PAPPA2: variants seen among roughly 807,000 people sequenced by gnomAD.
PAPPA2 encodes the protein pappalysin-2.
Under a neutral mutation model 176.4 loss-of-function variants are expected in PAPPA2, and 86 were observed. That is an observed-to-expected ratio of 0.49 (90% CI 0.41 to 0.58). PAPPA2 has a LOEUF of 0.58. Ranked by LOEUF, PAPPA2 falls within the 20% of genes least tolerant of loss-of-function variation. The pLI is 0.00. For missense variants in PAPPA2, 2,073 were observed against 2,256.9 expected (o/e 0.92, Z 1.65); for synonymous variants, 809 against 852.2 (o/e 0.95, Z 0.88).
At position 176,711,850 on chromosome 1, in the gene PAPPA2, C is replaced by T; in HGVS notation, c.3667C>T (p.His1223Tyr). 19 of 1,608,862 alleles carry T rather than the reference C, an allele frequency of 1.2e-5. No individual in the cohort carries two copies. The highest frequency in any genetic ancestry group is 1.6e-5 in the Non-Finnish European group (19 of 1,175,556). The change falls in exon 12 of 23, where the codon CAT becomes TAT. Residue 1223 changes from histidine to tyrosine, a missense_variant. His to Tyr is a moderately conservative substitution (Grantham distance 83). Coordinates refer to ENST00000367662, the MANE Select transcript of PAPPA2 (RefSeq NM_020318.3). ...TGTATTTCAGATTTGCACATCATACCATCCAGATTTACCCAACCACCGTCC... is the reference window on the plus strand; with the variant it reads ...TGTATTTCAGATTTGCACATCATACTATCCAGATTTACCCAACCACCGTCC... ...EPHSLICTSY[H>Y]PDLPNHRPLT...
intron 15 of PAPPA2, among the ~76,000 whole-genome samples, chr1:176,768,060 G>A (rs1236622166): frequency 2.0e-5 from 3 of 152,180 alleles, no homozygotes; most frequent in Non-Finnish European, 4.4e-5. Context: ...TGGTGCCACT[G>A]TGATTTCCTG....
intron 17 of PAPPA2, among the ~76,000 whole-genome samples, chr1:176,789,013 A>G (rs1322474155): frequency 1.3e-5 from 2 of 152,200 alleles, no homozygotes; most frequent in African/African-American, 2.4e-5. Flanking sequence ...TGAATGTGTG[A>G]TAACCTTTTT....
intron 8 of PAPPA2, 85 bp downstream of exon 8, chr1:176,699,674 C>T (rs867001786): frequency 4.0e-6 from 6 of 1,503,738 alleles, no homozygotes; most frequent in South Asian, 1.3e-5. Context: ...AATATTCAGC[C>T]ATGCCCTTAG....
In PAPPA2 at chr1:176,823,227, A is replaced by T. The variant is rs116705092; in HGVS notation, c.5203-16946A>T. 6.5e-3 allele frequency among the ~76,000 whole-genome samples: 984 copies of T among 152,260 alleles called. 12 individuals carry two copies. Among genetic ancestry groups the T allele is most frequent in the African/African-American group, 0.022 (917 of 41,536 alleles). On this transcript the variant is annotated intron_variant, in intron 21 of 22. Transcript: ENST00000367662. Reference sequence around the variant, plus strand: ...TTGTTATGGTAACATTTTACTTCTGATACTACTGTCTGTATTAGTCAAGTG... The same window carrying T: ...TTGTTATGGTAACATTTTACTTCTGTTACTACTGTCTGTATTAGTCAAGTG...
intron 21 of PAPPA2, among the ~76,000 whole-genome samples, chr1:176,806,503 A>T (rs181431871): frequency 6.6e-6 from 1 of 152,316 alleles, no homozygotes; most frequent in East Asian, 1.9e-4. Flanking sequence ...AGTAGAAAAT[A>T]AAAACCCTGT....
intron 1 of PAPPA2, among the ~76,000 whole-genome samples, chr1:176,476,266 T>C (rs1364012215): frequency 6.6e-6 from 1 of 152,146 alleles, no homozygotes; most frequent in African/African-American, 2.4e-5. Context: ...AGCGTCTGGG[T>C]TTCTTGTCTG....
chr1:176,721,262 C>G (rs763175855), intron 12 of PAPPA2, among the ~76,000 whole-genome samples: 1 of 152,212 alleles, frequency 6.6e-6, no homozygotes, highest in Non-Finnish European at 1.5e-5. Flanking sequence ...AATTAATACT[C>G]TCACAATTTT....
intron 3 of PAPPA2, among the ~76,000 whole-genome samples, chr1:176,620,353 T>C (rs779940072): frequency 1.3e-5 from 2 of 152,178 alleles, no homozygotes; most frequent in Non-Finnish European, 2.9e-5. Flanking sequence ...AGCTTTGCTA[T>C]TAGTTATATT....
intron 12 of PAPPA2, among the ~76,000 whole-genome samples, chr1:176,720,844 GC>G (rs1446878283): frequency 2.6e-5 from 4 of 152,160 alleles, no homozygotes; most frequent in African/African-American, 4.8e-5. Flanking sequence ...AGGCTCAGGA[GC>G]CCCCAAGAAG....
intron 21 of PAPPA2, among the ~76,000 whole-genome samples, chr1:176,815,258 CCTGA>C (rs143840027): frequency 1.0e-3 from 154 of 152,166 alleles, no homozygotes; most frequent in African/African-American, 3.5e-3. Context: ...CACTTCAATT[CCTGA>C]CTAAGAGGTT....
At position 176,623,754 on chromosome 1, in the gene PAPPA2, CCTTCCTTT is replaced by C. The variant is rs1553375986; in HGVS notation, c.1991+28163_1991+28170del. Reference sequence around the variant, plus strand: ...TTTCTTTCTTTCTCTCTCTTTCCTTCCTTCCTTTCTTTCTTTCTTTCTTTCTTTCTTTC... The same window carrying C: ...TTTCTTTCTTTCTCTCTCTTTCCTTCCTTTCTTTCTTTCTTTCTTTCTTTC... On this transcript the variant is annotated intron_variant, in intron 3 of 22. Coordinates refer to ENST00000367662, the MANE Select transcript of PAPPA2 (RefSeq NM_020318.3). Among the ~76,000 whole-genome samples the C allele has an allele frequency of 2.7e-4, 11 of 40,988 alleles. 1 individual carries two copies. Among genetic ancestry groups the C allele is most frequent in the African/African-American group, 1.1e-3 (9 of 8,500 alleles). 26.9% of individuals were successfully genotyped at this position (40,988 alleles called of 152,430 possible). A position where few individuals can be genotyped will look rare whatever the true frequency, so the allele number is the denominator to read the frequency against.
At chr1:176,648,617 AGTTT>A (rs1481549650) in intron 3 of PAPPA2, among the ~76,000 whole-genome samples, 1 of 151,630 alleles carries the variant, frequency 6.6e-6, no homozygotes, top group Non-Finnish European at 1.5e-5. Flanking sequence ...TACTATACCC[AGTTT>A]GTTAATGGTT....
At chr1:176,823,722 T>C (rs765688970) in intron 21 of PAPPA2, among the ~76,000 whole-genome samples, 5 of 152,136 alleles carry the variant, frequency 3.3e-5, no homozygotes, top group Non-Finnish European at 7.3e-5. Context: ...CTAAAAGTAA[T>C]GCATCATTTC....
chr1:176,739,371 A>T (rs562325934), intron 12 of PAPPA2, among the ~76,000 whole-genome samples: 2 of 152,186 alleles, frequency 1.3e-5, no homozygotes, highest in African/African-American at 4.8e-5. Context: ...GTAAAAAAAA[A>T]CAGTTCAGGT....
intron 17 of PAPPA2, among the ~76,000 whole-genome samples, chr1:176,781,889 C>T (rs948917906): frequency 6.6e-6 from 1 of 152,156 alleles, no homozygotes; most frequent in Admixed American, 6.5e-5. Context: ...AAAAGGCTTT[C>T]TAACTTCAGT....
chr1:176,618,252 C>T lies in PAPPA2; in HGVS notation c.1991+22657C>T, dbSNP rs77366581. ...CACTATAGATTGAATTTTATGACCT[C>T]CATGTGTAGTTCATATTCTGAGTCC... On this transcript the variant is annotated intron_variant, in intron 3 of 22. Transcript: ENST00000367662. Among the ~76,000 whole-genome samples, 912 of 152,180 alleles carry T rather than the reference C, an allele frequency of 6.0e-3. 10 individuals carry two copies. Among genetic ancestry groups the T allele is most frequent in the African/African-American group, 0.021 (856 of 41,510 alleles).
At chr1:176,678,002 T>C (rs769683648) in intron 4 of PAPPA2, among the ~76,000 whole-genome samples, 1 of 152,206 alleles carries the variant, frequency 6.6e-6, no homozygotes, top group African/African-American at 2.4e-5. Flanking sequence ...CTAATTGTGC[T>C]GAAAGCATTA....
intron 2 of PAPPA2, among the ~76,000 whole-genome samples, chr1:176,592,221 A>G (rs1286786253): frequency 6.6e-6 from 1 of 152,220 alleles, no homozygotes; most frequent in African/African-American, 2.4e-5. Context: ...AAGCAAGTAA[A>G]ATGTAGTTAT....
At chr1:176,610,003 C>A (rs1421376638) in intron 3 of PAPPA2, among the ~76,000 whole-genome samples, 1 of 151,984 alleles carries the variant, frequency 6.6e-6, no homozygotes, top group Non-Finnish European at 1.5e-5. Flanking sequence ...AGGATCATAC[C>A]TTATATAGTA....
Sources: gnomAD v4.1 joint callset for allele counts (sites outside exome capture counted in the v4.1 genomes callset) on GRCh38, gnomAD v4.1.1 for gene constraint, MANE v1.5 for transcripts, NCBI Gene and HGNC (gene_info 2026-07-23, HGNC 2026-07-21) for gene names.